The following HPSE2 variants were observed in gnomAD, a reference collection of about 807,000 sequenced individuals.
HPSE2 encodes the protein heparanase 2 (inactive), also known as inactive heparanase-2.
HPSE2 carries 38 observed loss-of-function variants against 60.5 expected under a neutral mutation model. That is an observed-to-expected ratio of 0.63 (90% CI 0.48 to 0.82). The LOEUF is 0.82. Ranked by LOEUF, HPSE2 falls within the 40% of genes least tolerant of loss-of-function variation. HPSE2 has a pLI of 0.00. For synonymous variants in HPSE2, 295 were observed against 293.2 expected, an observed-to-expected ratio of 1.01 and a Z score of -0.06; for missense variants, 713 against 740.4, an observed-to-expected ratio of 0.96 and a Z score of 0.43.
chr10:99,286,657 C>T, the HPSE2 span, among the ~76,000 whole-genome samples: 4 of 151,940 alleles, frequency 2.6e-5, no homozygotes, highest in Non-Finnish European at 5.9e-5. Flanking sequence ...GAATTATACA[C>T]TTAAAAATTG....
intron 3 of HPSE2, among the ~76,000 whole-genome samples, chr10:98,980,102 T>C (rs1369566866): frequency 2.6e-5 from 4 of 152,168 alleles, no homozygotes; most frequent in Non-Finnish European, 1.5e-5. Flanking sequence ...GCAGGACATA[T>C]AAAGTCAGAG....
At chr10:99,220,506 G>C (rs1849272022) in intron 2 of HPSE2, among the ~76,000 whole-genome samples, 1 of 152,118 alleles carries the variant, frequency 6.6e-6, no homozygotes, top group African/African-American at 2.4e-5. Flanking sequence ...TACCTATGGA[G>C]TAGAACTGGG....
At chr10:98,858,989 C>T (rs1952386194) in intron 3 of HPSE2, among the ~76,000 whole-genome samples, 1 of 152,118 alleles carries the variant, frequency 6.6e-6, no homozygotes, top group Non-Finnish European at 1.5e-5. Flanking sequence ...AGTGCAGTGG[C>T]ACAGTCATAG....
At chr10:98,595,163 GATT>G (rs1234281287) in intron 9 of HPSE2, among the ~76,000 whole-genome samples, 3 of 124,940 alleles carry the variant, frequency 2.4e-5, no homozygotes, top group Non-Finnish European at 4.8e-5. Context: ...TTATAAATGA[GATT>G]TTTTTTTTTT....
At position 99,102,359 on chromosome 10, in the gene HPSE2, C is replaced by A. The variant is rs187953900; in HGVS notation, c.610+41879G>T. Reference sequence around the variant, plus strand: ...TCAGAGAATACTATAAACACCTCTACGGAAATAAACGAGAAAATCTAGAAG... The same window carrying A: ...TCAGAGAATACTATAAACACCTCTAAGGAAATAAACGAGAAAATCTAGAAG... On this transcript the variant is annotated intron_variant, in intron 3 of 11. Transcript: ENST00000370552. Among the ~76,000 whole-genome samples, 99 of 152,202 alleles carry A rather than the reference C, an allele frequency of 6.5e-4. 1 individual carries two copies. Among genetic ancestry groups the A allele is most frequent in the African/African-American group, 2.2e-3 (90 of 41,526 alleles).
At chr10:98,746,774 T>C (rs1340126999) in intron 3 of HPSE2, among the ~76,000 whole-genome samples, 2 of 151,880 alleles carry the variant, frequency 1.3e-5, no homozygotes, top group East Asian at 1.9e-4. Context: ...TTGTATAAGA[T>C]ACAAAAAAAA....
At chr10:98,881,655 G>T (rs1160939714) in intron 3 of HPSE2, among the ~76,000 whole-genome samples, 1 of 151,984 alleles carries the variant, frequency 6.6e-6, no homozygotes, top group Non-Finnish European at 1.5e-5. Flanking sequence ...TATAACTATT[G>T]CTTTCTATAT....
rs541719743 is a variant in HPSE2 at position 99,036,007 on chromosome 10, T to G, written c.610+108231A>C. On this transcript the variant is annotated intron_variant, in intron 3 of 11. Transcript: ENST00000370552. ...CAGAAGATTACTTGAAGCCAGGAGC[T>G]CAAGACCAGACAGGGCAACAAAGCA... Among the ~76,000 whole-genome samples, 4 of 152,072 alleles carry G rather than the reference T, an allele frequency of 2.6e-5. No homozygotes were observed. In the East Asian group the frequency reaches 5.8e-4, roughly 22 times the overall value.
At chr10:98,664,123 G>A (rs1306193907) in intron 6 of HPSE2, among the ~76,000 whole-genome samples, 2 of 152,098 alleles carry the variant, frequency 1.3e-5, no homozygotes, top group African/African-American at 4.8e-5. Flanking sequence ...GCACCCAGAT[G>A]GCAGACCAGA....
intron 3 of HPSE2, among the ~76,000 whole-genome samples, chr10:98,984,902 T>C (rs1333107443): frequency 1.3e-5 from 2 of 151,918 alleles, no homozygotes; most frequent in African/African-American, 4.8e-5. Context: ...TGATGGAAGA[T>C]CAAATGAATG....
At chr10:98,895,113 T>A (rs1363878647) in intron 3 of HPSE2, among the ~76,000 whole-genome samples, 1 of 151,970 alleles carries the variant, frequency 6.6e-6, no homozygotes, top group East Asian at 1.9e-4. Flanking sequence ...TACCATACTC[T>A]CAGACCATCA....
intron 3 of HPSE2, among the ~76,000 whole-genome samples, chr10:99,115,115 C>T (rs1844629809): frequency 1.3e-5 from 2 of 150,558 alleles, no homozygotes; most frequent in Admixed American, 6.6e-5. Context: ...AACGGGGAAG[C>T]TGGGACTATA....
intron 3 of HPSE2, among the ~76,000 whole-genome samples, chr10:98,815,561 T>C (rs1457316269): frequency 6.6e-6 from 1 of 152,182 alleles, no homozygotes; most frequent in East Asian, 1.9e-4. Flanking sequence ...GTAAATTTCC[T>C]ATGCTTCCTG....
At chr10:98,749,877 T>C (rs955497787) in intron 3 of HPSE2, among the ~76,000 whole-genome samples, 1 of 147,120 alleles carries the variant, frequency 6.8e-6, no homozygotes, top group Non-Finnish European at 1.5e-5. Flanking sequence ...ACCTCATAAG[T>C]TGAGGAGCAT....
chr10:98,923,576 T>C (rs995369775), intron 3 of HPSE2, among the ~76,000 whole-genome samples: 16 of 152,100 alleles, frequency 1.1e-4, no homozygotes, highest in African/African-American at 3.4e-4. Context: ...GCATGCTTCA[T>C]TCTTTTTTAT....
At chr10:99,134,776 G>A (rs1190634830) in intron 3 of HPSE2, among the ~76,000 whole-genome samples, 1 of 152,134 alleles carries the variant, frequency 6.6e-6, no homozygotes, top group Non-Finnish European at 1.5e-5. Context: ...ATACCAAATT[G>A]TAAGAGCATC....
intron 9 of HPSE2, among the ~76,000 whole-genome samples, chr10:98,582,669 G>A (rs902202485): frequency 2.0e-5 from 3 of 152,090 alleles, no homozygotes; most frequent in African/African-American, 4.8e-5. Context: ...GTCAGTTAAC[G>A]TATTCTTTTA....
intron 3 of HPSE2, among the ~76,000 whole-genome samples, chr10:99,039,088 AC>A (rs1291638869): frequency 6.6e-6 from 1 of 152,116 alleles, no homozygotes; most frequent in Non-Finnish European, 1.5e-5. Flanking sequence ...CTGCTTTATA[AC>A]TTTATACTCT....
At chr10:98,653,813 T>G (rs1357173640) in intron 6 of HPSE2, among the ~76,000 whole-genome samples, 1 of 152,164 alleles carries the variant, frequency 6.6e-6, no homozygotes, top group African/African-American at 2.4e-5. Flanking sequence ...TCCTTTCCTT[T>G]TGTAGACTTG....
Sources: gnomAD v4.1 joint callset for allele counts (sites outside exome capture counted in the v4.1 genomes callset) on GRCh38, gnomAD v4.1.1 for gene constraint, MANE v1.5 for transcripts, NCBI Gene and HGNC (gene_info 2026-07-23, HGNC 2026-07-21) for gene names.